PTPN4: variants seen among roughly 807,000 people sequenced by gnomAD.
PTPN4 encodes protein tyrosine phosphatase non-receptor type 4.
Under a neutral mutation model 135.5 loss-of-function variants are expected in PTPN4, and 49 were observed. That is an observed-to-expected ratio of 0.36 (90% CI 0.29 to 0.46). The LOEUF (loss-of-function observed/expected upper bound fraction) is 0.46, where lower values mean the gene tolerates loss of function less well. PTPN4 is among the 20% of genes least tolerant of loss of function. The pLI, the probability that PTPN4 is intolerant of heterozygous loss-of-function variation, is 1.00. For synonymous variants in PTPN4, 333 were observed against 369.9 expected (o/e 0.90, Z 1.14); for missense variants, 860 against 1,101.0 (o/e 0.78, Z 3.10).
At chr2:119,935,763 A>G (rs1348386219) in intron 15 of PTPN4, among the ~76,000 whole-genome samples, 1 of 152,196 alleles carries the variant, frequency 6.6e-6, no homozygotes, top group Non-Finnish European at 1.5e-5. Flanking sequence ...ATAATTATAT[A>G]TGTTCTAATT....
intron 2 of PTPN4, among the ~76,000 whole-genome samples, chr2:119,840,342 A>G (rs1300312169): frequency 6.6e-6 from 1 of 152,136 alleles, no homozygotes; most frequent in Non-Finnish European, 1.5e-5. Context: ...GCTCCCACTT[A>G]CAAGTGAGAA....
chr2:119,793,244 C>T (rs1450990353), intron 1 of PTPN4, among the ~76,000 whole-genome samples: 4 of 152,142 alleles, frequency 2.6e-5, no homozygotes, highest in Admixed American at 2.0e-4. Flanking sequence ...TTCCCCAGGG[C>T]TGTCAATTAT....
chr2:119,890,431 G>A (rs1397198501), intron 9 of PTPN4, among the ~76,000 whole-genome samples: 1 of 151,936 alleles, frequency 6.6e-6, no homozygotes, highest in South Asian at 2.1e-4. Flanking sequence ...TGTCTTTTAA[G>A]CAACATATAG....
chr2:119,859,334 T>G (rs1677725999), intron 2 of PTPN4, among the ~76,000 whole-genome samples: 1 of 152,332 alleles, frequency 6.6e-6, no homozygotes, highest in Admixed American at 6.5e-5. Context: ...TCTCAGACAT[T>G]TGAGACATTT....
At chr2:119,860,568 A>G (rs1677747285) in intron 2 of PTPN4, among the ~76,000 whole-genome samples, 5 of 151,190 alleles carry the variant, frequency 3.3e-5, no homozygotes, top group Admixed American at 3.3e-4. Context: ...CCATTATATG[A>G]AAAAAAAATG....
In PTPN4 at chr2:119,799,390, A is replaced by G. The variant is rs939941899; in HGVS notation, c.-17-10447A>G. Among the ~76,000 whole-genome samples the G allele has an allele frequency of 2.6e-5, 4 of 152,342 alleles. No homozygotes were observed. The East Asian group carries it at 7.7e-4, about 29-fold the overall frequency. ...TAGTAGAACATTTGAAAAATAAAAA[A>G]CACTTCAGTTAATGATAACCCTTGT... is the stretch of plus-strand genomic sequence containing the variant. On this transcript the variant is annotated intron_variant, in intron 1 of 26. Coordinates refer to ENST00000263708, the MANE Select transcript of PTPN4 (RefSeq NM_002830.4).
rs1244887777 is a variant in PTPN4, at chr2:119,981,723, A to T, written c.*4653A>T. The T allele has an allele frequency of 1.3e-5, 2 of 152,052 alleles. No homozygotes were observed. The highest frequency in any genetic ancestry group is 1.3e-4 in the Admixed American group (2 of 15,252). 9.4% of individuals were successfully genotyped at this position (152,052 alleles called of 1,614,324 possible). A position where few individuals can be genotyped will look rare whatever the true frequency, so the allele number is the denominator to read the frequency against. The stretch of plus-strand genomic sequence containing the variant: ...TAGACTTCATTGATACTCAGCAATT[A>T]CTACAGTGTGTCTTACAATGTTATA... On this transcript the variant is annotated 3_prime_UTR_variant, in exon 27 of 27. Transcript: ENST00000263708.
At chr2:119,872,892 A>G (rs149045029) in intron 3 of PTPN4, among the ~76,000 whole-genome samples, 1 of 152,244 alleles carries the variant, frequency 6.6e-6, no homozygotes, top group Admixed American at 6.5e-5. Context: ...ACTGAAACAG[A>G]TGAAGAAATA....
chr2:119,798,011 A>G (rs1341242399), intron 1 of PTPN4, among the ~76,000 whole-genome samples: 1 of 152,080 alleles, frequency 6.6e-6, no homozygotes. Flanking sequence ...TTGGTTTTCA[A>G]ACTTTTAGAA....
chr2:119,826,071 C>G (rs1398596857), intron 2 of PTPN4, among the ~76,000 whole-genome samples: 1 of 152,094 alleles, frequency 6.6e-6, no homozygotes, highest in Non-Finnish European at 1.5e-5. Flanking sequence ...TGTGTTGGGA[C>G]CCAGGTGTGT....
chr2:119,831,433 T>C (rs1677218694), intron 2 of PTPN4, among the ~76,000 whole-genome samples: 1 of 152,190 alleles, frequency 6.6e-6, no homozygotes, highest in Non-Finnish European at 1.5e-5. Flanking sequence ...TCTCTATTAT[T>C]TTTTGTTCCA....
chr2:119,762,709 CTTAG>C (rs1165932666), intron 1 of PTPN4, among the ~76,000 whole-genome samples: 2 of 152,026 alleles, frequency 1.3e-5, no homozygotes. Context: ...TGCCTAAATT[CTTAG>C]TTAGAATGCA....
chr2:119,786,474 A>T (rs1691049719), intron 1 of PTPN4, among the ~76,000 whole-genome samples: 1 of 152,196 alleles, frequency 6.6e-6, no homozygotes, highest in Non-Finnish European at 1.5e-5. Flanking sequence ...AGTCAGCTGT[A>T]GTGGCTCAAC....
chr2:119,788,737 T>C (rs559273694), intron 1 of PTPN4, among the ~76,000 whole-genome samples: 1 of 152,336 alleles, frequency 6.6e-6, no homozygotes, highest in Non-Finnish European at 1.5e-5. Context: ...TTCATCTGCA[T>C]TGTAGCATGT....
chr2:119,864,546 G>A (rs918924139), intron 3 of PTPN4, among the ~76,000 whole-genome samples: 6 of 152,058 alleles, frequency 3.9e-5, no homozygotes, highest in Admixed American at 2.6e-4. Flanking sequence ...GACGGGGTAA[G>A]TGACAAGATG....
intron 2 of PTPN4, among the ~76,000 whole-genome samples, chr2:119,849,371 G>T (rs1677556610): frequency 6.6e-6 from 1 of 152,092 alleles, no homozygotes; most frequent in African/African-American, 2.4e-5. Flanking sequence ...TTGTGATCAT[G>T]GTTCACTGCA....
intron 3 of PTPN4, among the ~76,000 whole-genome samples, chr2:119,874,901 A>G (rs1454420211): frequency 1.3e-5 from 2 of 152,168 alleles, no homozygotes; most frequent in Non-Finnish European, 2.9e-5. Flanking sequence ...GCTATGTATG[A>G]GAGTGCCTGT....
chr2:119,938,057 G>T (rs1383502341), intron 15 of PTPN4, among the ~76,000 whole-genome samples: 3 of 150,698 alleles, frequency 2.0e-5, no homozygotes, highest in Non-Finnish European at 4.4e-5. Flanking sequence ...GAATTATATT[G>T]CCATCTTTCC....
At chr2:119,887,464 G>T (rs996219668) in intron 9 of PTPN4, among the ~76,000 whole-genome samples, 1 of 152,166 alleles carries the variant, frequency 6.6e-6, no homozygotes, top group African/African-American at 2.4e-5. Context: ...TCCAGCTGGG[G>T]TGTCAGCAAG....
Sources: allele counts gnomAD v4.1 joint callset (sites outside exome capture counted in the v4.1 genomes callset), GRCh38; gene constraint gnomAD v4.1.1; transcripts MANE v1.5; gene names NCBI Gene and HGNC (gene_info 2026-07-23, HGNC 2026-07-21).